The following SETDB2 variants were observed in gnomAD, a reference collection of about 807,000 sequenced individuals.
SETDB2 encodes the protein histone-lysine N-methyltransferase SETDB2.
SETDB2 carries 56 observed loss-of-function variants against 82.5 expected under a neutral mutation model. The observed-to-expected ratio is 0.68, with a 90% CI of 0.55 to 0.85. The LOEUF is 0.85. SETDB2 is among the 40% of genes least tolerant of loss of function. The pLI is 0.00. For synonymous variants in SETDB2, 272 were observed against 284.9 expected, an observed-to-expected ratio of 0.95 and a Z score of 0.46; for missense variants, 677 against 816.4, an observed-to-expected ratio of 0.83 and a Z score of 2.08.
intron 4 of SETDB2, among the ~76,000 whole-genome samples, chr13:49,462,364 A>T (rs1013484264): frequency 3.9e-5 from 6 of 152,162 alleles, no homozygotes; most frequent in African/African-American, 1.4e-4. Context: ...CATACAAAAG[A>T]CACTCTTATC....
intron 4 of SETDB2, among the ~76,000 whole-genome samples, chr13:49,467,303 G>A (rs538614742): frequency 6.6e-6 from 1 of 152,170 alleles, no homozygotes; most frequent in South Asian, 2.1e-4. Context: ...GCTGCGGCAG[G>A]AGAATCGTTT....
intron 2 of SETDB2, among the ~76,000 whole-genome samples, chr13:49,459,059 G>C (rs1418714811): frequency 6.6e-6 from 1 of 152,180 alleles, no homozygotes; most frequent in Non-Finnish European, 1.5e-5. Flanking sequence ...GCTGTGCTAT[G>C]GGGAATTAAA....
chr13:49,472,416 C>T (rs1958269302), intron 5 of SETDB2, among the ~76,000 whole-genome samples: 1 of 152,154 alleles, frequency 6.6e-6, no homozygotes, highest in Non-Finnish European at 1.5e-5. Context: ...ATTGTCAAAT[C>T]ATATGCAAAC....
At chr13:49,445,250 A>G (rs1301428077) in intron 1 of SETDB2, among the ~76,000 whole-genome samples, 3 of 152,228 alleles carry the variant, frequency 2.0e-5, no homozygotes, top group Non-Finnish European at 2.9e-5. Flanking sequence ...TGAAGTAGTT[A>G]GAAGCGTGAC....
intron 4 of SETDB2, among the ~76,000 whole-genome samples, chr13:49,463,602 C>T (rs1162318594): frequency 6.6e-6 from 1 of 152,208 alleles, no homozygotes; most frequent in Non-Finnish European, 1.5e-5. Flanking sequence ...GTTTGCTATG[C>T]AGCCCAGATG....
chr13:49,480,493 G>A lies in SETDB2; in HGVS notation c.986+158G>A, dbSNP rs576031044. On this transcript the variant is annotated intron_variant, in intron 7 of 13. Transcript: ENST00000611815. ...GGAATAAAAATCCTGTGTATTGTTC[G>A]TGGAAATGGTAGTCAGAGACCACAC... is the stretch of plus-strand genomic sequence containing the variant. Among the ~76,000 whole-genome samples the A allele has an allele frequency of 8.5e-4, 130 of 152,278 alleles. 1 individual carries two copies. The highest frequency in any genetic ancestry group is 3.4e-3 in the Middle Eastern group (1 of 294).
At chr13:49,477,474 A>G (rs1469291788) in intron 6 of SETDB2, among the ~76,000 whole-genome samples, 1 of 152,162 alleles carries the variant, frequency 6.6e-6, no homozygotes, top group Non-Finnish European at 1.5e-5. Flanking sequence ...CTACAATGGG[A>G]AAATGAACTC....
chr13:49,480,313 C>T lies in SETDB2; in HGVS notation c.964C>T (p.Leu322=), dbSNP rs754037219. The stretch of plus-strand genomic sequence containing the variant: ...AACCACTGGATATAAATATAAAAGA[C>T]TACAGAGACAGATTCCTACTGGGTA... ...KITTGYKYKR[L]QRQIPTGIYE... is the part of the protein sequence containing the mutation. The change falls in exon 7 of 14, where the codon CTA becomes TTA. Residue 322 remains leucine (L), a synonymous_variant. Coordinates refer to ENST00000611815, the MANE Select transcript of SETDB2 (RefSeq NM_001160308.3). 3 of 1,602,478 alleles carry T rather than the reference C, an allele frequency of 1.9e-6. No homozygotes were observed. The highest frequency in any genetic ancestry group is 2.2e-5 in the South Asian group (2 of 88,944).
chr13:49,477,864 T>C (rs1395514890), intron 6 of SETDB2, among the ~76,000 whole-genome samples: 2 of 152,246 alleles, frequency 1.3e-5, no homozygotes, highest in Admixed American at 1.3e-4. Flanking sequence ...GTGATGCTTA[T>C]AACTAGTATT....
intron 8 of SETDB2, chr13:49,482,093 A>G: frequency 1.0e-6 from 1 of 985,424 alleles, no homozygotes; most frequent in Non-Finnish European, 1.2e-6. Flanking sequence ...TAACTCTTGG[A>G]TGAAAGCTAC....
chr13:49,483,758 G>A (rs1188107082), intron 10 of SETDB2, among the ~76,000 whole-genome samples, 195 bp downstream of exon 10: 1 of 151,364 alleles, frequency 6.6e-6, no homozygotes, highest in Non-Finnish European at 1.5e-5. Context: ...CTCCCGAATG[G>A]CTGGGACTAC....
At chr13:49,470,540 A>G (rs191163091) in intron 5 of SETDB2, among the ~76,000 whole-genome samples, 14 of 152,328 alleles carry the variant, frequency 9.2e-5, no homozygotes, top group African/African-American at 1.7e-4. Flanking sequence ...AGGAATTCTT[A>G]GCCCCAGCTA....
In SETDB2 at chr13:49,482,976, G is replaced by A. The variant is rs757779189; in HGVS notation, c.1382+14G>A. 1 of 1,450,482 alleles carries A rather than the reference G, an allele frequency of 6.9e-7. No individual in the cohort carries two copies. Among genetic ancestry groups the A allele is most frequent in the South Asian group, 1.2e-5 (1 of 82,862 alleles). The allele number at this position is 1,450,482 out of a possible 1,614,324, so 89.9% of individuals were successfully genotyped here. On this transcript the variant is annotated intron_variant, in intron 9 of 13. Transcript: ENST00000611815. ...GGAGCTTACTGTGTAAGTAACAGCTGAGGAACCCAGAGTAAATCTAAATTA... is the reference window on the plus strand; with the variant it reads ...GGAGCTTACTGTGTAAGTAACAGCTAAGGAACCCAGAGTAAATCTAAATTA...
intron 7 of SETDB2, among the ~76,000 whole-genome samples, chr13:49,480,705 A>AG (rs1459775874): frequency 6.6e-6 from 1 of 152,200 alleles, no homozygotes; most frequent in Non-Finnish European, 1.5e-5. Context: ...CAGCCCTATG[A>AG]GGGAGGTATT....
At chr13:49,469,859 T>TA (rs1473741585) in intron 5 of SETDB2, among the ~76,000 whole-genome samples, 2 of 152,158 alleles carry the variant, frequency 1.3e-5, no homozygotes, top group African/African-American at 2.4e-5. Flanking sequence ...GAGCCATACT[T>TA]AAAGATGGAA....
chr13:49,471,661 T>TA (rs1958244231), intron 5 of SETDB2, among the ~76,000 whole-genome samples: 1 of 151,858 alleles, frequency 6.6e-6, no homozygotes, highest in Non-Finnish European at 1.5e-5. Flanking sequence ...TTTAAAAACA[T>TA]GCACACACAT....
chr13:49,469,358 C>T (rs1391126163), intron 5 of SETDB2, among the ~76,000 whole-genome samples: 1 of 152,182 alleles, frequency 6.6e-6, no homozygotes, highest in African/African-American at 2.4e-5. Context: ...ACAAAGTGGT[C>T]ATGAAAAATC....
intron 2 of SETDB2, among the ~76,000 whole-genome samples, chr13:49,457,744 T>TA (rs759166106): frequency 5.3e-4 from 80 of 151,968 alleles, no homozygotes; most frequent in East Asian, 4.5e-3. Flanking sequence ...TTTTAAATGA[T>TA]AAAAAAAACA....
At chr13:49,491,097 A>T (rs1407961676) in intron 13 of SETDB2, among the ~76,000 whole-genome samples, 187 bp downstream of exon 13, 1 of 152,232 alleles carries the variant, frequency 6.6e-6, no homozygotes. Flanking sequence ...TACTAAAAAA[A>T]ATAGAAAAAG....
Sources: allele counts gnomAD v4.1 joint callset (sites outside exome capture counted in the v4.1 genomes callset), GRCh38; gene constraint gnomAD v4.1.1; transcripts MANE v1.5; gene names NCBI Gene and HGNC (gene_info 2026-07-23, HGNC 2026-07-21).